Variants in HIVEP1 observed in about 807,000 individuals in gnomAD.
HIVEP1 encodes the protein zinc finger protein 40.
In HIVEP1, 36 loss-of-function variants were observed where a neutral mutation model predicts 180.0. That is an observed-to-expected ratio of 0.20 (90% CI 0.15 to 0.26). The LOEUF is 0.26. Ranked by LOEUF, HIVEP1 falls within the 10% of genes least tolerant of loss-of-function variation. The pLI, the probability that HIVEP1 is intolerant of heterozygous loss-of-function variation, is 1.00. For synonymous variants in HIVEP1, 1,239 were observed against 1,239.0 expected (o/e 1.00, Z 0.00); for missense variants, 3,143 against 3,268.7 (o/e 0.96, Z 0.94).
rs552805162 is a variant in HIVEP1, at chr6:12,110,394, G to A, written c.95-9496G>A. On this transcript the variant is annotated intron_variant, in intron 3 of 8. Transcript: ENST00000379388. Reference sequence around the variant, plus strand: ...GCTGGTTTATCTACATAGAAAATCTGTTGTTTTCTGTAGCCACCTTCCTCA... The same window carrying A: ...GCTGGTTTATCTACATAGAAAATCTATTGTTTTCTGTAGCCACCTTCCTCA... Among the ~76,000 whole-genome samples the A allele has an allele frequency of 2.0e-5, 3 of 152,314 alleles. No homozygotes were observed. The South Asian group carries it at 6.2e-4, about 32-fold the overall frequency.
the HIVEP1 span, among the ~76,000 whole-genome samples, chr6:12,205,630 C>T: frequency 6.6e-6 from 1 of 152,062 alleles, no homozygotes; most frequent in South Asian, 2.1e-4. Flanking sequence ...TTCTGTGCAC[C>T]TTCTGTGTGA....
chr6:12,081,740 T>A (rs185993855), intron 2 of HIVEP1, among the ~76,000 whole-genome samples: 21 of 152,292 alleles, frequency 1.4e-4, no homozygotes, highest in Non-Finnish European at 1.5e-5. Context: ...CTGTTTTCCT[T>A]TGACCCTGTG....
intron 7 of HIVEP1, among the ~76,000 whole-genome samples, chr6:12,137,925 G>A: frequency 6.6e-6 from 1 of 152,134 alleles, no homozygotes; most frequent in Admixed American, 6.5e-5. Flanking sequence ...CAGCAGAGTT[G>A]ATTATAAATA....
At chr6:12,142,144 C>T (rs1378973271) in intron 7 of HIVEP1, among the ~76,000 whole-genome samples, 1 of 152,204 alleles carries the variant, frequency 6.6e-6, no homozygotes, top group African/African-American at 2.4e-5. Context: ...GTAAAGCACT[C>T]CTCAGCAAAT....
chr6:12,014,711 T>G (rs962326367), intron 1 of HIVEP1, among the ~76,000 whole-genome samples: 7 of 152,254 alleles, frequency 4.6e-5, no homozygotes, highest in African/African-American at 1.7e-4. Context: ...GATTCGGTTT[T>G]GGGTCATTCT....
At chr6:12,159,232 TTG>T (rs972675393) in intron 7 of HIVEP1, among the ~76,000 whole-genome samples, 2 of 151,986 alleles carry the variant, frequency 1.3e-5, no homozygotes, top group African/African-American at 4.8e-5. Context: ...ACGTGCACGC[TTG>T]TGTGTGTGTT....
At chr6:12,183,250 G>T in the HIVEP1 span, among the ~76,000 whole-genome samples, 1 of 152,056 alleles carries the variant, frequency 6.6e-6, no homozygotes, top group Non-Finnish European at 1.5e-5. Flanking sequence ...AACAAACAAG[G>T]TAGAACAAAG....
At chr6:12,184,709 GA>G in the HIVEP1 span, among the ~76,000 whole-genome samples, 1 of 151,850 alleles carries the variant, frequency 6.6e-6, no homozygotes, top group African/African-American at 2.4e-5. Flanking sequence ...AGTTAGAATC[GA>G]AAAAAATCAC....
At chr6:12,074,166 C>T (rs1203945294) in intron 2 of HIVEP1, among the ~76,000 whole-genome samples, 1 of 152,136 alleles carries the variant, frequency 6.6e-6, no homozygotes, top group African/African-American at 2.4e-5. Context: ...ATGGGGGATA[C>T]TGCCTTACTC....
chr6:12,030,909 T>A (rs1357983046), intron 2 of HIVEP1, among the ~76,000 whole-genome samples: 1 of 152,254 alleles, frequency 6.6e-6, no homozygotes, highest in Non-Finnish European at 1.5e-5. Context: ...TGGATTCTGA[T>A]CCTTGCTCCC....
chr6:12,049,465 C>A (rs897616845), intron 2 of HIVEP1, among the ~76,000 whole-genome samples: 3 of 152,142 alleles, frequency 2.0e-5, no homozygotes, highest in Non-Finnish European at 4.4e-5. Flanking sequence ...TGAGACCTTG[C>A]GCGAGGAGGT....
chr6:12,097,315 A>AT (rs199873320), intron 3 of HIVEP1, among the ~76,000 whole-genome samples: 4,853 of 138,838 alleles, frequency 0.035, 172 homozygotes, highest in African/African-American at 0.087. Flanking sequence ...TGCACCAGCC[A>AT]TTTTTTTTTT....
At chr6:12,037,290 T>C (rs1313416700) in intron 2 of HIVEP1, among the ~76,000 whole-genome samples, 1 of 152,250 alleles carries the variant, frequency 6.6e-6, no homozygotes, top group Non-Finnish European at 1.5e-5. Flanking sequence ...CACATTCTCA[T>C]AATTTTTGAG....
downstream of HIVEP1, among the ~76,000 whole-genome samples, chr6:12,167,995 A>G (rs139094385): frequency 3.6e-4 from 26 of 71,588 alleles, no homozygotes; most frequent in African/African-American, 8.7e-4. Flanking sequence ...GTATATATGT[A>G]TATATTATAT....
chr6:12,036,047 C>T (rs1334601896), intron 2 of HIVEP1, among the ~76,000 whole-genome samples: 1 of 152,152 alleles, frequency 6.6e-6, no homozygotes, highest in Admixed American at 6.5e-5. Context: ...TTTACCCACG[C>T]ATTTGCTATT....
At chr6:12,159,391 C>T (rs914956788) in intron 7 of HIVEP1, among the ~76,000 whole-genome samples, 11 of 143,014 alleles carry the variant, frequency 7.7e-5, no homozygotes, top group African/African-American at 2.7e-4. Context: ...GAAGATGCGT[C>T]TCCAAAAAAA....
intron 2 of HIVEP1, among the ~76,000 whole-genome samples, chr6:12,051,867 A>G (rs1039435702): frequency 4.6e-5 from 7 of 152,194 alleles, no homozygotes; most frequent in Admixed American, 3.9e-4. Flanking sequence ...TACTTCAGCA[A>G]TCTTGGGAGA....
At position 12,124,349 on chromosome 6, in the gene HIVEP1, C is replaced by T. The variant is rs569541352; in HGVS notation, c.4554C>T (p.Ile1518=). ...QLCDINLLNQ[I]HAPPSHQSTQ... ...GTGATATCAATTTGTTAAATCAAAT[C>T]CATGCACCGCCTAGCCACCAGAGCA... Residue 1518 remains isoleucine (I), a synonymous_variant, in exon 4 of 9, where the codon ATC becomes ATT. Transcript: ENST00000379388. 1.3e-5 allele frequency: 21 copies of T among 1,614,016 alleles called. 1 individual carries two copies. In the South Asian group the frequency reaches 1.8e-4, roughly 14 times the overall value.
intron 2 of HIVEP1, among the ~76,000 whole-genome samples, chr6:12,043,962 G>A (rs1449289384): frequency 6.6e-6 from 1 of 151,744 alleles, no homozygotes; most frequent in East Asian, 1.9e-4. Context: ...GATCTCGGGT[G>A]TGGAGGAGTA....
Sources: gnomAD v4.1 joint callset for allele counts (sites outside exome capture counted in the v4.1 genomes callset) on GRCh38, gnomAD v4.1.1 for gene constraint, MANE v1.5 for transcripts, NCBI Gene and HGNC (gene_info 2026-07-23, HGNC 2026-07-21) for gene names.